NLN: variants seen among roughly 807,000 people sequenced by gnomAD.
NLN encodes the protein neurolysin, mitochondrial.
A neutral mutation model predicts 79.9 loss-of-function variants in NLN; 64 were observed. The observed-to-expected ratio is 0.80, with a 90% confidence interval of 0.65 to 0.99. The LOEUF (loss-of-function observed/expected upper bound fraction) is 0.99, where lower values mean the gene tolerates loss of function less well. Among genes scored for constraint, NLN ranks in the 50% least tolerant of loss-of-function variants. NLN has a pLI of 0.00. For synonymous variants in NLN, 267 were observed against 296.6 expected (o/e 0.90, Z 1.02); for missense variants, 835 against 858.7 (o/e 0.97, Z 0.34).
chr5:65,769,725 T>G (rs75743818), intron 3 of NLN, among the ~76,000 whole-genome samples: 2,978 of 152,288 alleles, frequency 0.02, 106 homozygotes, highest in African/African-American at 0.069. Flanking sequence ...TCTTATGAGA[T>G]AGGCTTTTTT....
chr5:65,781,031 G>C (rs111960000), intron 5 of NLN, among the ~76,000 whole-genome samples: 11 of 152,244 alleles, frequency 7.2e-5, no homozygotes, highest in African/African-American at 2.6e-4. Flanking sequence ...ATTTGCACAA[G>C]TTTACTGAAA....
Position 65,827,246 on chromosome 5 carries a change from T to G in NLN, c.*4331T>G, listed in dbSNP as rs919865319. On this transcript the variant is annotated 3_prime_UTR_variant, in exon 13 of 13. Coordinates refer to ENST00000380985, the MANE Select transcript of NLN (RefSeq NM_020726.5). ...AGTTTTGATTTGGTTGAATTCACCT[T>G]GTAGTTCCCTTTCCTGAGAAAATAC... is the stretch of plus-strand genomic sequence containing the variant. The G allele has an allele frequency of 6.6e-6, 1 of 152,164 alleles. No individual in the cohort carries two copies. The highest frequency in any genetic ancestry group is 2.4e-5 in the African/African-American group (1 of 41,434). The allele number at this position is 152,164 out of a possible 1,614,324, so 9.4% of individuals were successfully genotyped here. A position where few individuals can be genotyped will look rare whatever the true frequency, so the allele number is the denominator to read the frequency against.
intron 1 of NLN, chr5:65,733,248 C>G: frequency 6.6e-7 from 1 of 1,520,104 alleles, no homozygotes; most frequent in Non-Finnish European, 9.0e-7. Flanking sequence ...TCTTGAGCCC[C>G]TTGGAGCTCT....
intron 8 of NLN, among the ~76,000 whole-genome samples, chr5:65,789,530 A>G (rs1308419264): frequency 2.6e-5 from 4 of 152,138 alleles, no homozygotes; most frequent in Non-Finnish European, 1.5e-5. Flanking sequence ...TAATCCCAGC[A>G]TTTTGGAAGG....
intron 9 of NLN, chr5:65,793,022 A>C (rs1189437407): frequency 2.8e-6 from 1 of 356,934 alleles, no homozygotes; most frequent in Non-Finnish European, 5.4e-6. Flanking sequence ...TGCTTTGTTT[A>C]CTTTAGTGGT....
intron 1 of NLN, among the ~76,000 whole-genome samples, chr5:65,743,286 TG>T (rs2150738924): frequency 6.6e-6 from 1 of 152,356 alleles, no homozygotes; most frequent in East Asian, 1.9e-4. Context: ...ATAGGCTTTT[TG>T]TCTTACAGAT....
intron 6 of NLN, among the ~76,000 whole-genome samples, chr5:65,784,014 G>A (rs1055070406): frequency 6.6e-6 from 1 of 152,072 alleles, no homozygotes; most frequent in Non-Finnish European, 1.5e-5. Context: ...ACTCTCCAGT[G>A]TATGTATTTT....
Position 65,829,191 on chromosome 5 carries a change from A to C in NLN, c.*6276A>C, listed in dbSNP as rs1760974009. The C allele has an allele frequency of 6.6e-6, 1 of 152,216 alleles. No individual in the cohort carries two copies. Among genetic ancestry groups the C allele is most frequent in the African/African-American group, 2.4e-5 (1 of 41,462 alleles). The allele number at this position is 152,216 out of a possible 1,614,324, so 9.4% of individuals were successfully genotyped here. ...ACTCCACCATATTGTGATCTCTTCG[A>C]GGCTTGTTTCTGTCCCCTGTCCTCC... is the stretch of plus-strand genomic sequence containing the variant. On this transcript the variant is annotated 3_prime_UTR_variant, in exon 13 of 13. Coordinates refer to ENST00000380985, the MANE Select transcript of NLN (RefSeq NM_020726.5).
chr5:65,736,664 G>A (rs1758734234), intron 1 of NLN, among the ~76,000 whole-genome samples: 1 of 152,136 alleles, frequency 6.6e-6, no homozygotes, highest in African/African-American at 2.4e-5. Flanking sequence ...TAATGAGTTT[G>A]AACATGTTTT....
At chr5:65,729,272 A>C (rs35393552) in intron 1 of NLN, among the ~76,000 whole-genome samples, 44,550 of 151,326 alleles carry the variant, frequency 0.29, 7,681 homozygotes, top group East Asian at 0.54. Flanking sequence ...TTGGGGAAAA[A>C]AATCTAGTAA....
In NLN at chr5:65,733,493, CAG is replaced by C. The variant is rs1758657559; in HGVS notation, c.41+11080_41+11081del. On this transcript the variant is annotated intron_variant, in intron 1 of 12. Coordinates refer to ENST00000380985, the MANE Select transcript of NLN (RefSeq NM_020726.5). ...CTTCCCATCTGGAGAGTCTTGACAA[CAG>C]GGGTCATGCCAATTGGGAGATCCTT... is the stretch of plus-strand genomic sequence containing the variant. The C allele has an allele frequency of 2.9e-6, 4 of 1,391,666 alleles. 2 individuals are homozygous for C. The African/African-American group carries it at 6.2e-5, about 22-fold the overall frequency. The allele number at this position is 1,391,666 out of a possible 1,614,324, so 86.2% of individuals were successfully genotyped here.
At chr5:65,788,022 C>T in intron 7 of NLN, 96 bp from the exon 8 acceptor site, 2 of 1,236,122 alleles carry the variant, frequency 1.6e-6, no homozygotes, top group Non-Finnish European at 1.1e-6. Context: ...TTGAGTACTG[C>T]AAAGGAGGAA....
At chr5:65,777,790 C>T (rs573132742) in intron 4 of NLN, among the ~76,000 whole-genome samples, 1 of 152,160 alleles carries the variant, frequency 6.6e-6, no homozygotes, top group Non-Finnish European at 1.5e-5. Flanking sequence ...CCAAGCATTT[C>T]GGATAAGGGA....
intron 12 of NLN, among the ~76,000 whole-genome samples, chr5:65,818,033 G>A (rs796515720): frequency 3.9e-5 from 6 of 152,268 alleles, no homozygotes; most frequent in African/African-American, 1.4e-4. Context: ...GTAGCCTCAG[G>A]TTTCGCCTGA....
chr5:65,790,662 G>A (rs1760038041), intron 8 of NLN, among the ~76,000 whole-genome samples: 1 of 152,196 alleles, frequency 6.6e-6, no homozygotes, highest in African/African-American at 2.4e-5. Context: ...TTCAAGATAA[G>A]CTTTGGGTGG....
At chr5:65,734,589 G>C (rs1024653303) in intron 1 of NLN, among the ~76,000 whole-genome samples, 1 of 151,494 alleles carries the variant, frequency 6.6e-6, no homozygotes, top group African/African-American at 2.4e-5. Flanking sequence ...CTCTGAGATT[G>C]TCTATGCTTC....
chr5:65,814,195 A>C (rs1208588660), intron 12 of NLN, among the ~76,000 whole-genome samples: 2 of 152,160 alleles, frequency 1.3e-5, no homozygotes, highest in Non-Finnish European at 2.9e-5. Context: ...CCCAACCAAC[A>C]GAAATGGAAA....
intron 9 of NLN, among the ~76,000 whole-genome samples, chr5:65,801,855 A>T (rs1211634855): frequency 6.6e-6 from 1 of 152,194 alleles, no homozygotes; most frequent in Non-Finnish European, 1.5e-5. Context: ...CTACACACAC[A>T]AACACACATA....
intron 3 of NLN, among the ~76,000 whole-genome samples, chr5:65,764,177 A>G (rs1254860582): frequency 2.0e-5 from 3 of 151,110 alleles, no homozygotes; most frequent in East Asian, 1.9e-4. Context: ...GATTAATCCT[A>G]TTTTCATCAT....
Sources: allele counts gnomAD v4.1 joint callset (sites outside exome capture counted in the v4.1 genomes callset), GRCh38; gene constraint gnomAD v4.1.1; transcripts MANE v1.5; gene names NCBI Gene and HGNC (gene_info 2026-07-23, HGNC 2026-07-21).